Variants in KCNK5 observed in about 807,000 individuals in gnomAD.
KCNK5 encodes potassium channel subfamily K member 5.
KCNK5 carries 18 observed loss-of-function variants against 32.9 expected under a neutral mutation model. That is an observed-to-expected ratio of 0.55 (90% CI 0.38 to 0.81). The LOEUF (loss-of-function observed/expected upper bound fraction) is 0.81. KCNK5 is among the 30% of genes least tolerant of loss of function. KCNK5 has a pLI of 0.00. For missense variants in KCNK5, 507 were observed against 651.0 expected (o/e 0.78, Z 2.41); for synonymous variants, 276 against 275.3 (o/e 1.00, Z -0.03).
At chr6:39,218,836 A>G (rs1771489166) in intron 1 of KCNK5, among the ~76,000 whole-genome samples, 1 of 152,212 alleles carries the variant, frequency 6.6e-6, no homozygotes, top group African/African-American at 2.4e-5. Context: ...CCTCCCCGCC[A>G]ACTGCACTTC....
Position 39,194,141 on chromosome 6 carries a change from G to A in KCNK5, c.634+28C>T, listed in dbSNP as rs1194030286. 1 of 1,613,742 alleles carries A rather than the reference G, an allele frequency of 6.2e-7. No homozygotes were observed. The highest frequency in any genetic ancestry group is 1.1e-5 in the South Asian group (1 of 91,046). Reference sequence around the variant, plus strand: ...CACTGAAACCAAAGAAGCAGAAAAAGAGGTGGGAGGCAGAGGCAGGGACTC... The same window carrying A: ...CACTGAAACCAAAGAAGCAGAAAAAAAGGTGGGAGGCAGAGGCAGGGACTC... On this transcript the variant is annotated intron_variant, in intron 4 of 4. Transcript: ENST00000359534. This position sits in a 1 kb window ranked among gnomAD's most constrained non-coding sequence, Gnocchi z 4.7.
intron 1 of KCNK5, among the ~76,000 whole-genome samples, chr6:39,214,466 C>A (rs892937287): frequency 1.3e-5 from 2 of 152,128 alleles, no homozygotes; most frequent in Non-Finnish European, 2.9e-5. Context: ...CAGATTGTTT[C>A]CCAGGAGGTG....
Position 39,194,979 on chromosome 6 carries a change from C to G in KCNK5, c.299-219G>C, listed in dbSNP as rs1294608320. Among the ~76,000 whole-genome samples the G allele has an allele frequency of 6.6e-6, 1 of 152,226 alleles. No homozygotes were observed. The highest frequency in any genetic ancestry group is 1.5e-5 in the Non-Finnish European group (1 of 68,038). ...TCTCCTCCATCATACAAGGAGCTCC[C>G]TGAAGGCAGGGACTAAGCCTGGTCA... On this transcript the variant is annotated intron_variant, in intron 2 of 4. Transcript: ENST00000359534. This position sits in a 1 kb window ranked among gnomAD's most constrained non-coding sequence, Gnocchi z 4.7.
At chr6:39,210,613 C>G (rs1159114373) in intron 1 of KCNK5, among the ~76,000 whole-genome samples, 1 of 152,210 alleles carries the variant, frequency 6.6e-6, no homozygotes, top group Admixed American at 6.5e-5. Flanking sequence ...TCGACTGATT[C>G]ATCAAGTGTT....
Position 39,227,110 on chromosome 6 carries a change from G to GC in KCNK5, c.186+1815dup, listed in dbSNP as rs938863677. ...CCCGGCTGCCTAACCCCTGGACCCC[G>GC]CCCCCCCCGCCGTATGCCCCGCCAG... On this transcript the variant is annotated intron_variant, in intron 1 of 4. Coordinates refer to ENST00000359534, the MANE Select transcript of KCNK5 (RefSeq NM_003740.4). Among the ~76,000 whole-genome samples, 181 of 83,918 alleles carry GC rather than the reference G, an allele frequency of 2.2e-3. 1 individual carries two copies. The highest frequency in any genetic ancestry group is 4.7e-3 in the African/African-American group (104 of 22,086). 55.1% of individuals were successfully genotyped at this position (83,918 alleles called of 152,430 possible).
intron 1 of KCNK5, among the ~76,000 whole-genome samples, chr6:39,225,893 G>C (rs763563900): frequency 3.9e-5 from 6 of 152,098 alleles, no homozygotes; most frequent in Non-Finnish European, 8.8e-5. Context: ...TTGCTTACTT[G>C]AATACATACT....
rs748587548 is a variant in KCNK5, at chr6:39,191,184, G to A, written c.1206C>T (p.Cys402=). 8 of 1,614,190 alleles carry A rather than the reference G, an allele frequency of 5.0e-6. No individual in the cohort carries two copies. The highest frequency in any genetic ancestry group is 1.3e-5 in the African/African-American group (1 of 75,070). The change falls in exon 5 of 5, where the codon TGC becomes TGT. Residue 402 remains cysteine (C), a synonymous_variant. Coordinates refer to ENST00000359534, the MANE Select transcript of KCNK5 (RefSeq NM_003740.4). This position sits in a 1 kb window ranked among gnomAD's most constrained non-coding sequence, Gnocchi z 5.8. ...GGTAGTCCTGGGCGTCCCATGGCTC[G>A]CATTCCTCGCTGATGCGGTCCAGCT... The part of the protein sequence containing the change: ...MNQLDRISEE[C]EPWDAQDYHP...
In KCNK5 at chr6:39,190,985, CGGA is replaced by C. The variant is rs1554184497; in HGVS notation, c.1402_1404del (p.Ser468del). The C allele has an allele frequency of 2.6e-6, 4 of 1,561,454 alleles. No homozygotes were observed. Among genetic ancestry groups the C allele is most frequent in the South Asian group, 1.2e-5 (1 of 81,844 alleles). On this transcript the variant is annotated inframe_deletion, in exon 5 of 5. Coordinates refer to ENST00000359534, the MANE Select transcript of KCNK5 (RefSeq NM_003740.4). ...GACTCAGTGCTGGTGAAGGTGGACT[CGGA>C]GGAGGAGGGGAACTCGCCCATGTTC...
chr6:39,202,279 C>CT (rs1346153364), intron 1 of KCNK5, among the ~76,000 whole-genome samples: 2 of 152,194 alleles, frequency 1.3e-5, no homozygotes, highest in Non-Finnish European at 2.9e-5. Flanking sequence ...CTGCAGTTGG[C>CT]TTTTCACTAA....
At position 39,194,101 on chromosome 6, in the gene KCNK5, A is replaced by C; in HGVS notation, c.634+68T>G. On this transcript the variant is annotated intron_variant, in intron 4 of 4. Transcript: ENST00000359534. This position sits in a 1 kb window ranked among gnomAD's most constrained non-coding sequence, Gnocchi z 4.7. Reference sequence around the variant, plus strand: ...ATGGAACCCTACCTAGGGCACCCCCAACATAGGTCTGTTGCACTGAAACCA... The same window carrying C: ...ATGGAACCCTACCTAGGGCACCCCCCACATAGGTCTGTTGCACTGAAACCA... The C allele has an allele frequency of 6.4e-7, 1 of 1,572,712 alleles. No individual in the cohort carries two copies. The highest frequency in any genetic ancestry group is 8.7e-7 in the Non-Finnish European group (1 of 1,143,324).
At chr6:39,210,012 GT>G (rs1433107891) in intron 1 of KCNK5, among the ~76,000 whole-genome samples, 2 of 152,194 alleles carry the variant, frequency 1.3e-5, no homozygotes, top group Non-Finnish European at 2.9e-5. Flanking sequence ...AACGTCCAGG[GT>G]TGTGGGGTAA....
rs1771020907 is a variant in KCNK5 at position 39,195,877 on chromosome 6, A to G, written c.297T>C (p.Ile99=). Residue 99 remains isoleucine, a splice_region_variant and synonymous_variant, in exon 2 of 5, where the codon ATT becomes ATC. Transcript: ENST00000359534. ...TCCTACAGGTCCCAGAAGACTTACC[A>G]ATGGTGGTAATGACGGTCGCTGCAA... is the stretch of plus-strand genomic sequence containing the variant. ...MIFAATVITT[I]GYGNVAPKTP... 6.2e-7 allele frequency: 1 copy of G among 1,612,338 alleles called. No individual in the cohort carries two copies. The highest frequency in any genetic ancestry group is 1.7e-5 in the Admixed American group (1 of 59,952).
chr6:39,193,916 T>C (rs902766677), intron 4 of KCNK5, among the ~76,000 whole-genome samples: 6 of 151,424 alleles, frequency 4.0e-5, no homozygotes, highest in Non-Finnish European at 8.8e-5. Context: ...GGAGAGGAGA[T>C]CAGAGACTGA....
chr6:39,210,457 G>A (rs1361115968), intron 1 of KCNK5, among the ~76,000 whole-genome samples: 2 of 152,148 alleles, frequency 1.3e-5, no homozygotes, highest in East Asian at 3.8e-4. Context: ...AAATGTAGCT[G>A]GGCACACCTG....
chr6:39,200,411 T>G (rs1473946886), intron 1 of KCNK5, among the ~76,000 whole-genome samples: 3 of 152,152 alleles, frequency 2.0e-5, no homozygotes, highest in Non-Finnish European at 2.9e-5. Context: ...GCATTTTATG[T>G]GCCTTTAGCT....
chr6:39,205,277 C>A (rs1396888725), intron 1 of KCNK5, among the ~76,000 whole-genome samples: 6 of 152,162 alleles, frequency 3.9e-5, no homozygotes, highest in South Asian at 2.1e-4. Context: ...TTCCTGGTCC[C>A]ACAGCACTGC....
chr6:39,199,772 C>T (rs969286366), intron 1 of KCNK5, among the ~76,000 whole-genome samples: 1 of 152,188 alleles, frequency 6.6e-6, no homozygotes, highest in African/African-American at 2.4e-5. Flanking sequence ...AGCTCAGCTC[C>T]ACCCAAGTGC....
chr6:39,229,262 G>A lies in KCNK5; in HGVS notation c.-151C>T, dbSNP rs1194286317. 4 of 846,422 alleles carry A rather than the reference G, an allele frequency of 4.7e-6. No individual in the cohort carries two copies. The highest frequency in any genetic ancestry group is 7.1e-6 in the Non-Finnish European group (4 of 559,950). The allele number at this position is 846,422 out of a possible 1,614,324, so 52.4% of individuals were successfully genotyped here. On this transcript the variant is annotated 5_prime_UTR_variant, in exon 1 of 5. Coordinates refer to ENST00000359534, the MANE Select transcript of KCNK5 (RefSeq NM_003740.4). ...TCACCCCCCGCAAGCACCGCTCCCC[G>A]GACAGAGTTGCTTGGCCAAGTTGGC...
chr6:39,204,259 C>T (rs941170899), intron 1 of KCNK5, among the ~76,000 whole-genome samples: 3 of 152,234 alleles, frequency 2.0e-5, no homozygotes, highest in Middle Eastern at 3.2e-3. Context: ...TGGCTGGAGG[C>T]TTTGGTGTGC....
Sources: allele counts gnomAD v4.1 joint callset (sites outside exome capture counted in the v4.1 genomes callset), GRCh38; gene constraint gnomAD v4.1.1; non-coding constraint Gnocchi (gnomAD v3.1); transcripts MANE v1.5; gene names NCBI Gene and HGNC (gene_info 2026-07-23, HGNC 2026-07-21).